The following SLC35A5 variants were observed in gnomAD, a reference collection of about 807,000 sequenced individuals.
The protein encoded by SLC35A5 is UDP-sugar transporter protein SLC35A5.
Under a neutral mutation model 36.3 loss-of-function variants are expected in SLC35A5, and 28 were observed. That is an observed-to-expected ratio of 0.77 (90% CI 0.57 to 1.06). The LOEUF is 1.06. Ranked by LOEUF, SLC35A5 falls within the 50% of genes least tolerant of loss-of-function variation. The pLI is 0.00. For synonymous variants in SLC35A5, 180 were observed against 173.7 expected (o/e 1.04, Z -0.29); for missense variants, 521 against 499.3 (o/e 1.04, Z -0.41).
intron 5 of SLC35A5, among the ~76,000 whole-genome samples, chr3:112,575,703 C>T (rs74284575): frequency 6.6e-5 from 10 of 151,282 alleles, no homozygotes; most frequent in East Asian, 5.8e-4. Flanking sequence ...TGGAAAATAA[C>T]GTGCTAATAA....
chr3:112,582,681 AACTAGAAAG>A lies in SLC35A5; in HGVS notation c.1224_1232del (p.Glu409_Leu411del). On this transcript the variant is annotated inframe_deletion, in exon 7 of 7. Transcript: ENST00000492406. The stretch of plus-strand genomic sequence containing the variant: ...CATGTTTCCTTTTAGGATGGAGAAG[AACTAGAAAG>A]ACTTACCAAACCCAAGAGTGATGAG... The A allele has an allele frequency of 6.2e-7, 1 of 1,612,264 alleles. No homozygotes were observed. The highest frequency in any genetic ancestry group is 1.1e-5 in the South Asian group (1 of 90,986).
chr3:112,562,316 G>A (rs1397537214), intron 1 of SLC35A5, 43 bp downstream of exon 1: 2 of 152,492 alleles, frequency 1.3e-5, no homozygotes, highest in South Asian at 2.0e-4. Context: ...TGCGTCTGAG[G>A]GGAGGGTGCG....
chr3:112,580,584 C>G lies in SLC35A5; in HGVS notation c.467C>G (p.Thr156Ser), dbSNP rs1210662956. The G allele has an allele frequency of 1.9e-6, 3 of 1,613,882 alleles. No homozygotes were observed. The highest frequency in any genetic ancestry group is 2.5e-6 in the Non-Finnish European group (3 of 1,179,874). ...LNWIQWASLL[T>S]LFLSIVALTA... ...TGGATCCAGTGGGCTTCCCTCCTGA[C>G]TTTATTTTTGTCTATTGTGGCCTTG... Residue 156 changes from threonine to serine, a missense_variant, in exon 6 of 7, where the codon ACT (threonine) becomes AGT (serine). By Grantham distance (58) the Thr-to-Ser change is moderately conservative. Coordinates refer to ENST00000492406, the MANE Select transcript of SLC35A5 (RefSeq NM_017945.5).
chr3:112,580,388 GGCACCA>G (rs1934853196), intron 5 of SLC35A5, among the ~76,000 whole-genome samples, 152 bp from the exon 6 acceptor site: 1 of 152,092 alleles, frequency 6.6e-6, no homozygotes, highest in South Asian at 2.1e-4. Context: ...TTGAGAGACA[GGCACCA>G]ACAGTTTTTC....
At chr3:112,561,889 G>A (rs559464062), upstream of SLC35A5, 16 of 259,678 alleles carry the variant, frequency 6.2e-5, 1 homozygote, top group Non-Finnish European at 8.1e-5. Flanking sequence ...TGCTTCACTC[G>A]CGCCCCTTCC....
chr3:112,570,282 A>AACCACAT (rs1341626067), intron 3 of SLC35A5, among the ~76,000 whole-genome samples: 1 of 151,448 alleles, frequency 6.6e-6, no homozygotes, highest in African/African-American at 2.4e-5. Context: ...CAGCAAGAGA[A>AACCACAT]ACCACATATT....
At chr3:112,572,425 A>G (rs1934489982) in intron 4 of SLC35A5, among the ~76,000 whole-genome samples, 1 of 152,186 alleles carries the variant, frequency 6.6e-6, no homozygotes, top group East Asian at 1.9e-4. Context: ...ATAAGTGTCC[A>G]GTCCACCTAG....
intron 5 of SLC35A5, among the ~76,000 whole-genome samples, chr3:112,576,998 G>C (rs1466645481): frequency 2.0e-5 from 3 of 150,912 alleles, no homozygotes; most frequent in Admixed American, 1.3e-4. Context: ...TCTTATACTT[G>C]ATTGTATCAG....
rs778042926 is a variant in SLC35A5, at chr3:112,563,571, T to G, written c.130+38T>G. The G allele has an allele frequency of 5.3e-6, 8 of 1,520,520 alleles. No homozygotes were observed. In the Admixed American group the frequency reaches 1.1e-4, roughly 21 times the overall value. 94.2% of individuals were successfully genotyped at this position (1,520,520 alleles called of 1,614,324 possible). A position where few individuals can be genotyped will look rare whatever the true frequency, so the allele number is the denominator to read the frequency against. On this transcript the variant is annotated intron_variant, in intron 2 of 6. Transcript: ENST00000492406. ...TTGGTATATGCATGGAGCACTTCCA[T>G]CTAATCACACATCTCTCTCTTGCCT...
rs752039152 is a variant in SLC35A5 at position 112,582,849 on chromosome 3, C to A, written c.*113C>A. 5.1e-4 allele frequency: 465 copies of A among 916,100 alleles called. 1 individual carries two copies. Among genetic ancestry groups the A allele is most frequent in the Non-Finnish European group, 7.2e-4 (427 of 591,266 alleles). The allele number at this position is 916,100 out of a possible 1,614,324, so 56.7% of individuals were successfully genotyped here. A position where few individuals can be genotyped will look rare whatever the true frequency, so the allele number is the denominator to read the frequency against. The stretch of plus-strand genomic sequence containing the variant: ...AGAAATGTTTCTAAATCCTAATATT[C>A]TTTGCATATATCTAGCTACTCCCTA... On this transcript the variant is annotated 3_prime_UTR_variant, in exon 7 of 7. Transcript: ENST00000492406.
intron 5 of SLC35A5, 89 bp from the exon 6 acceptor site, chr3:112,580,457 A>G (rs767802230): frequency 3.4e-5 from 48 of 1,417,996 alleles, no homozygotes; most frequent in Middle Eastern, 2.3e-4. Context: ...AGTTTATTCA[A>G]CCAAATACTC....
At chr3:112,578,505 A>T (rs562187539) in intron 5 of SLC35A5, among the ~76,000 whole-genome samples, 2 of 152,292 alleles carry the variant, frequency 1.3e-5, no homozygotes, top group East Asian at 3.9e-4. Flanking sequence ...GAGTGAAGTG[A>T]GCTTCCACTG....
intron 5 of SLC35A5, among the ~76,000 whole-genome samples, chr3:112,578,515 G>T (rs915036585): frequency 7.2e-5 from 11 of 152,150 alleles, no homozygotes; most frequent in Non-Finnish European, 1.6e-4. Flanking sequence ...AGCTTCCACT[G>T]TTTTGTATCA....
intron 5 of SLC35A5, among the ~76,000 whole-genome samples, chr3:112,578,149 C>T (rs543826280): frequency 2.6e-5 from 4 of 152,032 alleles, no homozygotes; most frequent in South Asian, 2.1e-4. Context: ...TGAACTAAAG[C>T]CCCCCCTTTG....
rs764839730 is a variant in SLC35A5 at position 112,580,837 on chromosome 3, T to G, written c.720T>G (p.Cys240Trp). ...GMGHVLIIVQCFISSMANIYN... is the reference protein window; with the variant it reads ...GMGHVLIIVQWFISSMANIYN... ...GCCATGTTCTTATTATAGTCCAGTGTTTTATTTCTTCAATGGCTAATATCT... is the reference window on the plus strand; with the variant it reads ...GCCATGTTCTTATTATAGTCCAGTGGTTTATTTCTTCAATGGCTAATATCT... The change falls in exon 6 of 7, where the codon TGT becomes TGG. Residue 240 changes from cysteine (C) to tryptophan (W), a missense_variant. Cys to Trp is a radical substitution (Grantham distance 215). Coordinates refer to ENST00000492406, the MANE Select transcript of SLC35A5 (RefSeq NM_017945.5). The G allele has an allele frequency of 1.9e-6, 3 of 1,614,058 alleles. No individual in the cohort carries two copies.
At position 112,583,287 on chromosome 3, in the gene SLC35A5, T is replaced by C. The variant is rs181334975; in HGVS notation, c.*551T>C. On this transcript the variant is annotated 3_prime_UTR_variant, in exon 7 of 7. Transcript: ENST00000492406. Reference sequence around the variant, plus strand: ...ACCATAGATTTGGGATGATGTAGTCTGTGCTAAATATTTTGCTGAAGAAGC... The same window carrying C: ...ACCATAGATTTGGGATGATGTAGTCCGTGCTAAATATTTTGCTGAAGAAGC... The C allele has an allele frequency of 3.8e-5, 15 of 395,564 alleles. No individual in the cohort carries two copies. Among genetic ancestry groups the C allele is most frequent in the Non-Finnish European group, 6.2e-5 (14 of 224,398 alleles). The allele number at this position is 395,564 out of a possible 1,614,324, so 24.5% of individuals were successfully genotyped here. A position where few individuals can be genotyped will look rare whatever the true frequency, so the allele number is the denominator to read the frequency against.
chr3:112,569,643 G>A (rs1287240563), intron 3 of SLC35A5, among the ~76,000 whole-genome samples: 5 of 152,188 alleles, frequency 3.3e-5, no homozygotes, highest in Non-Finnish European at 7.3e-5. Flanking sequence ...TGCAGGGAAG[G>A]TAGCATAGTG....
intron 5 of SLC35A5, among the ~76,000 whole-genome samples, chr3:112,574,683 T>C (rs1291681936): frequency 2.6e-5 from 4 of 152,140 alleles, no homozygotes; most frequent in African/African-American, 7.2e-5. Context: ...TTTTAAATTT[T>C]ACATTATCTT....
intron 2 of SLC35A5, among the ~76,000 whole-genome samples, chr3:112,567,343 G>C (rs1427413541): frequency 2.6e-5 from 4 of 152,012 alleles, no homozygotes; most frequent in African/African-American, 9.7e-5. Flanking sequence ...GCTCTGTCTG[G>C]AGTGCACTGG....
Sources: allele counts gnomAD v4.1 joint callset (sites outside exome capture counted in the v4.1 genomes callset), GRCh38; gene constraint gnomAD v4.1.1; transcripts MANE v1.5; gene names NCBI Gene and HGNC (gene_info 2026-07-23, HGNC 2026-07-21).